Variants in RORA observed in about 807,000 individuals in gnomAD.
RORA encodes the protein RAR related orphan receptor A, also known as nuclear receptor ROR-alpha.
In RORA, 7 loss-of-function variants were observed where a neutral mutation model predicts 69.5. That is an observed-to-expected ratio of 0.10 (90% CI 0.06 to 0.19). The LOEUF is 0.19. RORA is among the 10% of genes least tolerant of loss of function. The pLI, the probability that RORA is intolerant of heterozygous loss-of-function variation, is 1.00. For missense variants in RORA, 457 were observed against 663.0 expected (o/e 0.69, Z 3.41); for synonymous variants, 261 against 240.8 (o/e 1.08, Z -0.78).
intron 2 of RORA, among the ~76,000 whole-genome samples, chr15:60,564,259 T>G (rs2067654610): frequency 6.6e-6 from 1 of 152,254 alleles, no homozygotes; most frequent in African/African-American, 2.4e-5. Context: ...TTATGGGTTA[T>G]CCCCAGAGTT....
intron 4 of RORA, among the ~76,000 whole-genome samples, chr15:60,514,129 G>C (rs776972709): frequency 6.6e-6 from 1 of 152,176 alleles, no homozygotes; most frequent in Non-Finnish European, 1.5e-5. Flanking sequence ...CACACATTCT[G>C]TATGTACAAA....
chr15:60,762,902 G>A (rs901831539), intron 1 of RORA, among the ~76,000 whole-genome samples: 4 of 152,108 alleles, frequency 2.6e-5, no homozygotes, highest in East Asian at 3.9e-4. Flanking sequence ...GACATAGCAC[G>A]CCTAATTGTG....
intron 1 of RORA, among the ~76,000 whole-genome samples, chr15:60,715,310 C>T (rs983128471): frequency 1.3e-5 from 2 of 152,188 alleles, no homozygotes; most frequent in African/African-American, 4.8e-5. Context: ...AAGTTCGAAA[C>T]CACTGAATAA....
At chr15:61,125,031 T>C (rs184931954) in intron 1 of RORA, among the ~76,000 whole-genome samples, 10 of 152,338 alleles carry the variant, frequency 6.6e-5, no homozygotes, top group East Asian at 3.9e-4. Context: ...AGGGGATCAA[T>C]TGGATTTTTT....
intron 1 of RORA, among the ~76,000 whole-genome samples, chr15:61,138,926 A>C (rs545055596): frequency 6.6e-6 from 1 of 152,292 alleles, no homozygotes; most frequent in East Asian, 1.9e-4. Context: ...CGGGTGGACC[A>C]CGAGGTCAGG....
chr15:60,660,398 C>A (rs974066), intron 2 of RORA, among the ~76,000 whole-genome samples: 88,472 of 152,026 alleles, frequency 0.58, 27,056 homozygotes, highest in South Asian at 0.79. Context: ...CTAAATCTTA[C>A]ACCATTCCTA....
chr15:60,488,715 C>T lies in RORA; in HGVS notation c.*8740G>A, dbSNP rs2064992543. The T allele has an allele frequency of 6.6e-6, 1 of 152,294 alleles. No homozygotes were observed. Among genetic ancestry groups the T allele is most frequent in the African/African-American group, 2.4e-5 (1 of 41,574 alleles). The allele number at this position is 152,294 out of a possible 1,614,324, so 9.4% of individuals were successfully genotyped here. ...GTGGCAGAAAAGGAGTTTTTACATA[C>T]TGTACACAAAACAGACAGCATATAT... On this transcript the variant is annotated 3_prime_UTR_variant, in exon 11 of 11. Coordinates refer to ENST00000335670, the MANE Select transcript of RORA (RefSeq NM_134261.3).
intron 1 of RORA, among the ~76,000 whole-genome samples, chr15:61,165,193 C>T (rs1332256698): frequency 6.6e-5 from 10 of 152,212 alleles, no homozygotes. Context: ...GTATCTTCCC[C>T]ACGTCAACAC....
intron 2 of RORA, among the ~76,000 whole-genome samples, chr15:60,585,261 C>G (rs893768082): frequency 6.6e-6 from 1 of 152,174 alleles, no homozygotes; most frequent in African/African-American, 2.4e-5. Context: ...ACACCAAAAT[C>G]CAAATCCACA....
At chr15:60,710,949 G>C (rs545924016) in intron 1 of RORA, among the ~76,000 whole-genome samples, 7 of 152,272 alleles carry the variant, frequency 4.6e-5, no homozygotes, top group African/African-American at 1.7e-4. Context: ...TCCAACTCCA[G>C]CACTTAGAGG....
chr15:60,962,058 G>T (rs1893430212), intron 1 of RORA, among the ~76,000 whole-genome samples: 1 of 152,206 alleles, frequency 6.6e-6, no homozygotes, highest in South Asian at 2.1e-4. Flanking sequence ...TTCTTACTGT[G>T]ACCACGAGGC....
intron 2 of RORA, among the ~76,000 whole-genome samples, chr15:60,649,489 ACG>A (rs2070108299): frequency 6.6e-6 from 1 of 152,186 alleles, no homozygotes; most frequent in South Asian, 2.1e-4. Context: ...CAGCCCTGAC[ACG>A]CCACTTCCTA....
At chr15:60,992,826 G>C (rs769550860) in intron 1 of RORA, among the ~76,000 whole-genome samples, 1 of 152,198 alleles carries the variant, frequency 6.6e-6, no homozygotes, top group Non-Finnish European at 1.5e-5. Flanking sequence ...GGTCTGGTTT[G>C]AGTACTTAAC....
intron 1 of RORA, among the ~76,000 whole-genome samples, chr15:60,780,435 A>T (rs1399241588): frequency 6.6e-6 from 1 of 152,230 alleles, no homozygotes; most frequent in Non-Finnish European, 1.5e-5. Context: ...GAGAACATTC[A>T]AGAGGGAAGT....
intron 1 of RORA, among the ~76,000 whole-genome samples, chr15:60,919,187 T>C (rs1005139628): frequency 3.3e-5 from 5 of 152,196 alleles, no homozygotes; most frequent in Admixed American, 3.3e-4. Context: ...TCCTCTGAGG[T>C]TGCTCTTGCT....
chr15:60,704,468 A>C (rs1205103346), intron 1 of RORA, among the ~76,000 whole-genome samples: 1 of 152,182 alleles, frequency 6.6e-6, no homozygotes, highest in Non-Finnish European at 1.5e-5. Context: ...AAAAAATAAA[A>C]ACAATGGCCA....
intron 1 of RORA, among the ~76,000 whole-genome samples, chr15:61,098,263 C>G (rs1182342768): frequency 2.1e-5 from 3 of 142,214 alleles, no homozygotes; most frequent in African/African-American, 7.8e-5. Flanking sequence ...CTTTTTTTCT[C>G]CCTCCCTTCT....
At chr15:61,033,973 A>C (rs1421837425) in intron 1 of RORA, among the ~76,000 whole-genome samples, 2 of 152,184 alleles carry the variant, frequency 1.3e-5, no homozygotes, top group African/African-American at 4.8e-5. Flanking sequence ...TGGATATGTT[A>C]CGTTAAATAA....
chr15:61,009,729 C>G (rs992577920), intron 1 of RORA, among the ~76,000 whole-genome samples: 1 of 152,150 alleles, frequency 6.6e-6, no homozygotes, highest in African/African-American at 2.4e-5. Flanking sequence ...AAAGCTCTAT[C>G]CTGAGGTAAA....
Sources: gnomAD v4.1 joint callset for allele counts (sites outside exome capture counted in the v4.1 genomes callset) on GRCh38, gnomAD v4.1.1 for gene constraint, MANE v1.5 for transcripts, NCBI Gene and HGNC (gene_info 2026-07-23, HGNC 2026-07-21) for gene names.